Variants in FARSA observed in about 807,000 individuals in gnomAD.
FARSA encodes the protein phenylalanyl-tRNA synthetase subunit alpha.
In FARSA, 37 loss-of-function variants were observed where a neutral mutation model predicts 63.2. The ratio of observed to expected loss-of-function variants is 0.59; its 90% CI spans 0.45 to 0.77. FARSA has a LOEUF of 0.77. Among genes scored for constraint, FARSA ranks in the 30% least tolerant of loss-of-function variants. FARSA has a pLI of 0.00. For missense variants in FARSA, 618 were observed against 696.6 expected, an observed-to-expected ratio of 0.89 and a Z score of 1.27; for synonymous variants, 312 against 285.1, an observed-to-expected ratio of 1.09 and a Z score of -0.95.
chr19:12,924,168 C>G lies in FARSA; in HGVS notation c.1371G>C (p.Trp457Cys). The change falls in exon 12 of 13, where the codon TGG becomes TGC. Residue 457 changes from tryptophan to cysteine, a missense_variant. Coordinates refer to ENST00000314606, the MANE Select transcript of FARSA (RefSeq NM_004461.3). This position sits in a 1 kb window ranked among gnomAD's most constrained non-coding sequence, Gnocchi z 6.4. ...GCACTTACCGCTCCAGGGAGAGGCC[C>G]CAGGCAATGACCGACACGTTCTCGG... is the stretch of plus-strand genomic sequence containing the variant. ...GLPENVSVIA[W>C]GLSLERPTMI... 1 of 1,614,090 alleles carries G rather than the reference C, an allele frequency of 6.2e-7. No individual in the cohort carries two copies. Among genetic ancestry groups the G allele is most frequent in the Non-Finnish European group, 8.5e-7 (1 of 1,179,984 alleles).
Position 12,930,621 on chromosome 19 carries a change from G to A in FARSA, c.276C>T (p.Ser92=), listed in dbSNP as rs531296378. Residue 92 remains serine (S), a synonymous_variant, in exon 2 of 13, where the codon AGC becomes AGT. Coordinates refer to ENST00000314606, the MANE Select transcript of FARSA (RefSeq NM_004461.3). ...RSIPPEGLAQ[S]ELMRLPSGKV... Reference sequence around the variant, plus strand: ...ACCCCGCAGCTCCTACCATAAGCTCGCTCTGGGCCAGGCCCTCTGGGGGAA... The same window carrying A: ...ACCCCGCAGCTCCTACCATAAGCTCACTCTGGGCCAGGCCCTCTGGGGGAA... 26 of 1,610,514 alleles carry A rather than the reference G, an allele frequency of 1.6e-5. No individual in the cohort carries two copies. The highest frequency in any genetic ancestry group is 1.3e-4 in the Admixed American group (8 of 59,868).
At position 12,922,799 on chromosome 19, in the gene FARSA, C is replaced by G; in HGVS notation, c.1476G>C (p.Leu492=). The G allele has an allele frequency of 6.2e-7, 1 of 1,614,132 alleles. No homozygotes were observed. Among genetic ancestry groups the G allele is most frequent in the South Asian group, 1.1e-5 (1 of 91,080 alleles). Reference sequence around the variant, plus strand: ...GCCTCGGCTCGGCATCCAGGCGGCACAGGGGACTGTCATACACCATCTGCA... The same window carrying G: ...GCCTCGGCTCGGCATCCAGGCGGCAGAGGGGACTGTCATACACCATCTGCA... ...VNLQMVYDSP[L]CRLDAEPRPP... Residue 492 remains leucine (L), a synonymous_variant, in exon 13 of 13, where the codon CTG becomes CTC. Coordinates refer to ENST00000314606, the MANE Select transcript of FARSA (RefSeq NM_004461.3).
At chr19:12,926,150 G>A (rs531127147) in intron 7 of FARSA, among the ~76,000 whole-genome samples, 102 of 150,308 alleles carry the variant, frequency 6.8e-4, no homozygotes, top group South Asian at 4.8e-3. Flanking sequence ...TGTATTTTTA[G>A]TAGAGATGGG....
chr19:12,925,285 G>A (rs1423256688), intron 7 of FARSA, 111 bp from the exon 8 acceptor site: 1 of 812,800 alleles, frequency 1.2e-6, no homozygotes, highest in African/African-American at 1.7e-5. Context: ...GTGCAATCTG[G>A]GCTTACTGCA....
chr19:12,930,342 C>T lies in FARSA; in HGVS notation c.385-1G>A. The T allele has an allele frequency of 6.2e-7, 1 of 1,614,104 alleles. No homozygotes were observed. The highest frequency in any genetic ancestry group is 1.6e-4 in the Middle Eastern group (1 of 6,062). On this transcript the variant is annotated splice_acceptor_variant, in intron 3 of 12. Coordinates refer to ENST00000314606, the MANE Select transcript of FARSA (RefSeq NM_004461.3). LOFTEE classifies it high-confidence loss of function. ...GCACCTCATCCTCCATGCTGTCCAC[C>T]TGCCAGGATAAGGAGTGTGAGGGGT...
intron 4 of FARSA, among the ~76,000 whole-genome samples, chr19:12,929,923 T>C (rs1182015172): frequency 1.3e-5 from 2 of 152,132 alleles, no homozygotes; most frequent in African/African-American, 4.8e-5. Context: ...CTAGGGGCGA[T>C]GGGCTTCATG....
intron 7 of FARSA, among the ~76,000 whole-genome samples, chr19:12,927,116 C>T (rs1042635755): frequency 6.6e-5 from 10 of 152,172 alleles, no homozygotes; most frequent in African/African-American, 1.7e-4. Context: ...AGAATGAACA[C>T]TAGGGGAGAA....
Position 12,930,461 on chromosome 19 carries a change from T to G in FARSA, c.352A>C (p.Ser118Arg). Residue 118 changes from serine (S) to arginine (R), a missense_variant, in exon 3 of 13, where the codon AGT becomes CGT. Physicochemically the swap from Ser to Arg is moderately radical, Grantham distance 110 (BLOSUM62 -1). Transcript: ENST00000314606. ...AACACCCGGGGCCCGTCAGCCGCAC[T>G]CTTGTCCACCCGAATCCACTTGTTG... ...MSNKWIRVDKSAADGPRVFRV... is the reference protein window; with the variant it reads ...MSNKWIRVDKRAADGPRVFRV... 1 of 1,614,178 alleles carries G rather than the reference T, an allele frequency of 6.2e-7. No individual in the cohort carries two copies. Among genetic ancestry groups the G allele is most frequent in the Non-Finnish European group, 8.5e-7 (1 of 1,180,018 alleles).
Position 12,928,950 on chromosome 19 carries a change from CTGCTT to C in FARSA, c.504-108_504-104del, listed in dbSNP as rs1971360964. The C allele has an allele frequency of 6.1e-6, 6 of 988,490 alleles. No homozygotes were observed. In the Admixed American group the frequency reaches 8.8e-5, roughly 14 times the overall value. The allele number at this position is 988,490 out of a possible 1,614,324, so 61.2% of individuals were successfully genotyped here. On this transcript the variant is annotated intron_variant, in intron 4 of 12. Transcript: ENST00000314606. ...TCCCCATGCTACCTACCAAGTCACT[CTGCTT>C]TATTTCCATCCTGACATTTATCACT...
chr19:12,923,026 C>A, intron 12 of FARSA, 140 bp from the exon 13 acceptor site: 1 of 1,058,958 alleles, frequency 9.4e-7, no homozygotes, highest in Admixed American at 2.1e-5. Flanking sequence ...ACTGCTCTAT[C>A]ACCTCTCACC....
rs559703061 is a variant in FARSA, at chr19:12,930,789, G to A, written c.148-40C>T. ...GGGGAGGGTGTCCAGGCAGGGGTGA[G>A]GCTCAGAGCCAGGCACCCCCTTTCT... On this transcript the variant is annotated intron_variant, in intron 1 of 12. Transcript: ENST00000314606. 8 of 1,600,218 alleles carry A rather than the reference G, an allele frequency of 5.0e-6. No individual in the cohort carries two copies. In the East Asian group the frequency reaches 1.3e-4, roughly 27 times the overall value.
chr19:12,924,792 C>A lies in FARSA; in HGVS notation c.1042G>T (p.Val348Phe). ...RLAQKKPFTP[V>F]KYFSIDRVFR... ...ACGCGGTCGATGGAGAAGTACTTGACCGGAGTGAAGGGCTTCTAGGGGTGA... is the reference window on the plus strand; with the variant it reads ...ACGCGGTCGATGGAGAAGTACTTGAACGGAGTGAAGGGCTTCTAGGGGTGA... The change falls in exon 10 of 13, where the codon GTC becomes TTC. Residue 348 changes from valine (V) to phenylalanine (F), a missense_variant. Val to Phe is a conservative substitution (Grantham distance 50). Transcript: ENST00000314606. The surrounding 1 kb of genome is among the most constrained non-coding windows in gnomAD (Gnocchi z 6.4). 1.2e-6 allele frequency: 2 copies of A among 1,605,826 alleles called. No individual in the cohort carries two copies. The highest frequency in any genetic ancestry group is 8.5e-7 in the Non-Finnish European group (1 of 1,174,350).
chr19:12,924,814 G>C lies in FARSA; in HGVS notation c.1027-7C>G. The C allele has an allele frequency of 6.2e-7, 1 of 1,610,904 alleles. No homozygotes were observed. Among genetic ancestry groups the C allele is most frequent in the South Asian group, 1.1e-5 (1 of 90,924 alleles). Reference sequence around the variant, plus strand: ...TGACCGGAGTGAAGGGCTTCTAGGGGTGACAACCGAGCCAGGCCCAGGTAT... The same window carrying C: ...TGACCGGAGTGAAGGGCTTCTAGGGCTGACAACCGAGCCAGGCCCAGGTAT... On this transcript the variant is annotated splice_region_variant and splice_polypyrimidine_tract_variant and intron_variant, in intron 9 of 12. Coordinates refer to ENST00000314606, the MANE Select transcript of FARSA (RefSeq NM_004461.3). The surrounding 1 kb of genome is among the most constrained non-coding windows in gnomAD (Gnocchi z 6.4).
At chr19:12,925,623 T>C (rs573609124) in intron 7 of FARSA, among the ~76,000 whole-genome samples, 1 of 151,678 alleles carries the variant, frequency 6.6e-6, no homozygotes, top group Non-Finnish European at 1.5e-5. Context: ...CTCCCAGTGT[T>C]GGGATTACAG....
Position 12,924,037 on chromosome 19 carries a change from G to A in FARSA, c.1388+114C>T, listed in dbSNP as rs994984766. Reference sequence around the variant, plus strand: ...TGAGCATTCAGTTTGTACTCACGATGAAAGTTTTGTCCATTGGATGAATGA... The same window carrying A: ...TGAGCATTCAGTTTGTACTCACGATAAAAGTTTTGTCCATTGGATGAATGA... On this transcript the variant is annotated intron_variant, in intron 12 of 12. Transcript: ENST00000314606. This position sits in a 1 kb window ranked among gnomAD's most constrained non-coding sequence, Gnocchi z 6.4. 5 of 791,510 alleles carry A rather than the reference G, an allele frequency of 6.3e-6. No individual in the cohort carries two copies. In the Admixed American group the frequency reaches 9.7e-5, roughly 15 times the overall value. The allele number at this position is 791,510 out of a possible 1,614,324, so 49.0% of individuals were successfully genotyped here.
chr19:12,925,954 C>T (rs888265902), intron 7 of FARSA, among the ~76,000 whole-genome samples: 13 of 150,556 alleles, frequency 8.6e-5, no homozygotes, highest in Non-Finnish European at 1.5e-4. Context: ...ATCATGCCAC[C>T]GCGCCCGACC....
intron 4 of FARSA, 30 bp from the exon 5 acceptor site, chr19:12,928,877 C>T: frequency 6.3e-7 from 1 of 1,593,934 alleles, no homozygotes; most frequent in Non-Finnish European, 8.6e-7. Context: ...GGGGACGCCA[C>T]TGCCATCTCC....
Position 12,930,513 on chromosome 19 carries a change from G to A in FARSA, c.300C>T (p.Gly100=), listed in dbSNP as rs1237580686. 2.5e-6 allele frequency: 4 copies of A among 1,613,886 alleles called. No individual in the cohort carries two copies. The African/African-American group carries it at 5.3e-5, about 22-fold the overall frequency. ...ACATGGCCTTGCTGAAGCCCACTTT[G>A]CCACTGGGCAGTCGCTGGAAAAGAG... ...AQSELMRLPS[G]KVGFSKAMSN... The change falls in exon 3 of 13, where the codon GGC becomes GGT. Residue 100 remains glycine, a synonymous_variant. Transcript: ENST00000314606.
In FARSA at chr19:12,930,537, A is replaced by G; in HGVS notation, c.286-10T>C. On this transcript the variant is annotated splice_polypyrimidine_tract_variant and intron_variant, in intron 2 of 12. Transcript: ENST00000314606. ...TGCCACTGGGCAGTCGCTGGAAAAGAGAGGCTGCAGTGAGTGGGGCACGAG... is the reference window on the plus strand; with the variant it reads ...TGCCACTGGGCAGTCGCTGGAAAAGGGAGGCTGCAGTGAGTGGGGCACGAG... 5 of 1,612,580 alleles carry G rather than the reference A, an allele frequency of 3.1e-6. No individual in the cohort carries two copies. The highest frequency in any genetic ancestry group is 4.2e-6 in the Non-Finnish European group (5 of 1,179,056).
Sources: allele counts gnomAD v4.1 joint callset (sites outside exome capture counted in the v4.1 genomes callset), GRCh38; gene constraint gnomAD v4.1.1; non-coding constraint Gnocchi (gnomAD v3.1); transcripts MANE v1.5; gene names NCBI Gene and HGNC (gene_info 2026-07-23, HGNC 2026-07-21).